ANKRD55: variants seen among roughly 807,000 people sequenced by gnomAD.
ANKRD55 encodes the protein ankyrin repeat domain 55.
Under a neutral mutation model 60.6 loss-of-function variants are expected in ANKRD55, and 41 were observed. That is an observed-to-expected ratio of 0.68 (90% CI 0.53 to 0.88). The LOEUF is 0.88. ANKRD55 is among the 40% of genes least tolerant of loss of function. The pLI is 0.00. For missense variants in ANKRD55, 732 were observed against 767.6 expected, an observed-to-expected ratio of 0.95 and a Z score of 0.55; for synonymous variants, 264 against 290.3, an observed-to-expected ratio of 0.91 and a Z score of 0.92.
At chr5:56,138,861 A>AT (rs1426976544) in intron 7 of ANKRD55, among the ~76,000 whole-genome samples, 1 of 152,192 alleles carries the variant, frequency 6.6e-6, no homozygotes, top group East Asian at 1.9e-4. Flanking sequence ...AGCTCAGAGG[A>AT]TTTTTAGGGC....
chr5:56,186,061 A>T (rs1758965833), intron 2 of ANKRD55, among the ~76,000 whole-genome samples: 1 of 152,232 alleles, frequency 6.6e-6, no homozygotes, highest in Non-Finnish European at 1.5e-5. Context: ...CACTCCTGTG[A>T]TGAGCGCAAG....
Position 56,136,884 on chromosome 5 carries a change from G to A in ANKRD55, c.612+6917C>T, listed in dbSNP as rs577434323. On this transcript the variant is annotated intron_variant, in intron 7 of 11. Coordinates refer to ENST00000341048, the MANE Select transcript of ANKRD55 (RefSeq NM_024669.3). The stretch of plus-strand genomic sequence containing the variant: ...TGCAGTGAGCCATGATTATGTCACT[G>A]CACTCCAGCCTGGATGAGACAGAGT... 8.5e-5 allele frequency: 32 copies of A among 378,266 alleles called. 1 individual carries two copies. In the Admixed American group the frequency reaches 1.1e-3, roughly 13 times the overall value. The allele number at this position is 378,266 out of a possible 1,614,324, so 23.4% of individuals were successfully genotyped here.
At chr5:56,108,963 G>A (rs1450251790) in intron 10 of ANKRD55, among the ~76,000 whole-genome samples, 2 of 151,928 alleles carry the variant, frequency 1.3e-5, no homozygotes, top group Non-Finnish European at 1.5e-5. Flanking sequence ...CTTGAACCCA[G>A]GAGGCGGATG....
chr5:56,135,272 C>CCTTCCTTCTT lies in ANKRD55; in HGVS notation c.613-8167_613-8166insAAGAAGGAAG, dbSNP rs1428649118. Among the ~76,000 whole-genome samples, 344 of 104,124 alleles carry CCTTCCTTCTT rather than the reference C, an allele frequency of 3.3e-3. 8 individuals are homozygous for CCTTCCTTCTT. The highest frequency in any genetic ancestry group is 9.9e-3 in the African/African-American group (230 of 23,132). 68.3% of individuals were successfully genotyped at this position (104,124 alleles called of 152,430 possible). On this transcript the variant is annotated intron_variant, in intron 7 of 11. Transcript: ENST00000341048. ...CTTCCTTCCTTCCTTCTTTCCCTCC[C>CCTTCCTTCTT]TCCCTCCCTGCCTGCCTGCTTGCTT...
rs549947053 is a variant in ANKRD55 at position 56,187,858 on chromosome 5, GGCTACCATCTTGGAAGCCCCCC to G, written c.59-4246_59-4225del. On this transcript the variant is annotated intron_variant, in intron 2 of 11. Transcript: ENST00000341048. ...ACCCCAGGTCAGATAACACGAGGCT[GGCTACCATCTTGGAAGCCCCCC>G]GCCACCATCTTCGGAGCTCTAAGAA... Among the ~76,000 whole-genome samples, 968 of 152,286 alleles carry G rather than the reference GGCTACCATCTTGGAAGCCCCCC, an allele frequency of 6.4e-3. 9 individuals are homozygous for G. Among genetic ancestry groups the G allele is most frequent in the African/African-American group, 0.022 (921 of 41,558 alleles).
chr5:56,201,343 C>T (rs1759372856), intron 2 of ANKRD55, among the ~76,000 whole-genome samples: 1 of 152,200 alleles, frequency 6.6e-6, no homozygotes, highest in South Asian at 2.1e-4. Flanking sequence ...GGACCTTCAC[C>T]TGGGCCCTGA....
chr5:56,138,255 G>A (rs185623950), intron 7 of ANKRD55, among the ~76,000 whole-genome samples: 2 of 151,460 alleles, frequency 1.3e-5, no homozygotes, highest in African/African-American at 4.9e-5. Flanking sequence ...AGCCTCCCGA[G>A]CAGCTGGGAT....
intron 2 of ANKRD55, among the ~76,000 whole-genome samples, chr5:56,201,586 T>G (rs1376320395): frequency 2.0e-5 from 3 of 152,190 alleles, no homozygotes; most frequent in Non-Finnish European, 4.4e-5. Flanking sequence ...TTGCTTAACA[T>G]CTCTATGTCC....
chr5:56,107,908 C>T (rs942299499), intron 10 of ANKRD55, among the ~76,000 whole-genome samples: 5 of 150,732 alleles, frequency 3.3e-5, no homozygotes, highest in South Asian at 2.1e-4. Context: ...CTCACTTTGT[C>T]ACCAAGTCTG....
intron 10 of ANKRD55, among the ~76,000 whole-genome samples, chr5:56,109,081 C>CACA (rs1561249610): frequency 1.0e-4 from 14 of 135,430 alleles, no homozygotes; most frequent in African/African-American, 2.9e-4. Flanking sequence ...ACACACACAC[C>CACA]CCACCGCCCA....
chr5:56,227,098 T>A (rs1210238474), intron 2 of ANKRD55, among the ~76,000 whole-genome samples: 2 of 152,074 alleles, frequency 1.3e-5, no homozygotes, highest in Non-Finnish European at 2.9e-5. Flanking sequence ...CAAATGTCCA[T>A]CGATGATAGA....
chr5:56,112,841 C>T (rs916561320), intron 9 of ANKRD55, among the ~76,000 whole-genome samples: 2 of 152,178 alleles, frequency 1.3e-5, no homozygotes, highest in Non-Finnish European at 2.9e-5. Flanking sequence ...ATATCGCAAT[C>T]TGCAATTTGA....
At chr5:56,128,285 TAGA>T (rs1420420858) in intron 7 of ANKRD55, among the ~76,000 whole-genome samples, 2 of 152,320 alleles carry the variant, frequency 1.3e-5, no homozygotes, top group South Asian at 4.1e-4. Flanking sequence ...CCCCTCTTGG[TAGA>T]AGAAGAAGCA....
chr5:56,209,155 C>T (rs1341863617), intron 2 of ANKRD55, among the ~76,000 whole-genome samples: 1 of 152,046 alleles, frequency 6.6e-6, no homozygotes, highest in Non-Finnish European at 1.5e-5. Context: ...CAGGGTTATG[C>T]CATGTTGGGC....
intron 7 of ANKRD55, chr5:56,137,257 T>C: frequency 6.2e-7 from 1 of 1,603,724 alleles, no homozygotes. Flanking sequence ...TTGCTGCACA[T>C]GCTTAAAAAT....
chr5:56,173,369 T>C (rs1028747571), intron 4 of ANKRD55, among the ~76,000 whole-genome samples: 3 of 150,370 alleles, frequency 2.0e-5, no homozygotes, highest in Non-Finnish European at 4.4e-5. Context: ...GGCTACATTT[T>C]GTATTTTTGG....
intron 7 of ANKRD55, among the ~76,000 whole-genome samples, chr5:56,131,007 G>A (rs779448873): frequency 1.3e-5 from 2 of 152,054 alleles, no homozygotes; most frequent in Admixed American, 6.6e-5. Flanking sequence ...TACAAAAGGT[G>A]TAACATACAG....
At position 56,099,981 on chromosome 5, in the gene ANKRD55, A is replaced by G; in HGVS notation, c.*202T>C. 7 of 617,748 alleles carry G rather than the reference A, an allele frequency of 1.1e-5. No homozygotes were observed. Among genetic ancestry groups the G allele is most frequent in the Non-Finnish European group, 1.9e-5 (7 of 370,456 alleles). 38.3% of individuals were successfully genotyped at this position (617,748 alleles called of 1,614,324 possible). ...ATGTGGAAGTCACAGAAATTCACAG[A>G]CTTAATATGCACACCCAAATATTCT... On this transcript the variant is annotated 3_prime_UTR_variant, in exon 12 of 12. Transcript: ENST00000341048.
At chr5:56,210,864 A>AT (rs548089266) in intron 2 of ANKRD55, among the ~76,000 whole-genome samples, 4 of 152,058 alleles carry the variant, frequency 2.6e-5, no homozygotes, top group Non-Finnish European at 4.4e-5. Context: ...TCTGCAATCA[A>AT]TTTTTTTCAA....
Sources: gnomAD v4.1 joint callset for allele counts (sites outside exome capture counted in the v4.1 genomes callset) on GRCh38, gnomAD v4.1.1 for gene constraint, MANE v1.5 for transcripts, NCBI Gene and HGNC (gene_info 2026-07-23, HGNC 2026-07-21) for gene names.